Variants in BANK1 observed in about 807,000 individuals in gnomAD.
BANK1 encodes B-cell scaffold protein with ankyrin repeats.
BANK1 carries 95 observed loss-of-function variants against 94.5 expected under a neutral mutation model. The observed-to-expected ratio is 1.00, with a 90% CI of 0.85 to 1.19. The LOEUF (loss-of-function observed/expected upper bound fraction) is 1.19, where lower values mean the gene tolerates loss of function less well. BANK1 is among the 50% of genes most tolerant of loss of function. The pLI is 0.00. For missense variants in BANK1, 987 were observed against 932.2 expected (o/e 1.06, Z -0.77); for synonymous variants, 334 against 308.4 (o/e 1.08, Z -0.87).
rs1461029910 is a variant in BANK1, at chr4:101,790,778, G to A, written c.-103G>A. 5 of 1,284,088 alleles carry A rather than the reference G, an allele frequency of 3.9e-6. No individual in the cohort carries two copies. Among genetic ancestry groups the A allele is most frequent in the South Asian group, 3.8e-5 (3 of 78,558 alleles). The allele number at this position is 1,284,088 out of a possible 1,614,324, so 79.5% of individuals were successfully genotyped here. ...GGTGGCAAGCGGGCTGGGGAGAGCCGAGGGCCAAAGGAAGAGAAAATCGCG... is the reference window on the plus strand; with the variant it reads ...GGTGGCAAGCGGGCTGGGGAGAGCCAAGGGCCAAAGGAAGAGAAAATCGCG... On this transcript the variant is annotated 5_prime_UTR_variant, in exon 1 of 17. Transcript: ENST00000322953.
At chr4:101,952,203 T>C (rs1366086971) in intron 7 of BANK1, among the ~76,000 whole-genome samples, 4 of 152,170 alleles carry the variant, frequency 2.6e-5, no homozygotes, top group African/African-American at 9.6e-5. Context: ...GGTCCTTGAA[T>C]AATGTCATTT....
chr4:101,949,249 C>G (rs1416647755), intron 7 of BANK1, among the ~76,000 whole-genome samples: 1 of 152,124 alleles, frequency 6.6e-6, no homozygotes, highest in Non-Finnish European at 1.5e-5. Context: ...GACATGTTAT[C>G]TTGAAGAACA....
chr4:101,820,292 A>G (rs541872643), intron 1 of BANK1, among the ~76,000 whole-genome samples: 15 of 152,298 alleles, frequency 9.8e-5, no homozygotes, highest in Non-Finnish European at 1.6e-4. Context: ...GGCAATATCC[A>G]TGAACAATTT....
chr4:102,052,042 G>A (rs1421854290), intron 11 of BANK1, among the ~76,000 whole-genome samples: 1 of 151,584 alleles, frequency 6.6e-6, no homozygotes, highest in East Asian at 1.9e-4. Flanking sequence ...TGAACACAAG[G>A]AAAGAGCCAA....
At chr4:101,947,446 A>AATT (rs1723974489) in intron 7 of BANK1, among the ~76,000 whole-genome samples, 1 of 151,096 alleles carries the variant, frequency 6.6e-6, no homozygotes, top group African/African-American at 2.4e-5. Flanking sequence ...ACCCAAGATA[A>AATT]CTTAACTGAA....
At chr4:101,967,955 G>A (rs1010184739) in intron 7 of BANK1, among the ~76,000 whole-genome samples, 1 of 152,030 alleles carries the variant, frequency 6.6e-6, no homozygotes, top group South Asian at 2.1e-4. Context: ...GAAGAAACAA[G>A]AGATGGGAAA....
At chr4:101,906,310 G>T (rs918381689) in intron 6 of BANK1, among the ~76,000 whole-genome samples, 2 of 152,124 alleles carry the variant, frequency 1.3e-5, no homozygotes, top group Non-Finnish European at 2.9e-5. Flanking sequence ...AAAGGAAAAG[G>T]CTCAAATGTA....
At chr4:101,816,932 A>G (rs910453731) in intron 1 of BANK1, among the ~76,000 whole-genome samples, 1 of 152,184 alleles carries the variant, frequency 6.6e-6, no homozygotes, top group African/African-American at 2.4e-5. Context: ...AAGGAATGGT[A>G]TTCCTCCAAA....
intron 7 of BANK1, among the ~76,000 whole-genome samples, chr4:101,965,111 T>G (rs554424069): frequency 6.6e-6 from 1 of 151,558 alleles, no homozygotes; most frequent in African/African-American, 2.4e-5. Flanking sequence ...TTTTTTATGG[T>G]TGCATAGTAT....
At chr4:102,042,570 A>T (rs1398814478) in intron 10 of BANK1, among the ~76,000 whole-genome samples, 2 of 151,972 alleles carry the variant, frequency 1.3e-5, no homozygotes, top group Non-Finnish European at 2.9e-5. Context: ...CATCTAAAAA[A>T]CGTCTCCGGG....
intron 7 of BANK1, among the ~76,000 whole-genome samples, chr4:101,994,005 T>C (rs1480015908): frequency 6.6e-6 from 1 of 152,252 alleles, no homozygotes; most frequent in Non-Finnish European, 1.5e-5. Context: ...CTGTCAGTAC[T>C]GCTAATCCTT....
intron 7 of BANK1, among the ~76,000 whole-genome samples, chr4:101,923,355 A>G (rs1723059777): frequency 6.6e-6 from 1 of 151,768 alleles, no homozygotes; most frequent in South Asian, 2.1e-4. Flanking sequence ...TAAAGACTAT[A>G]TATATATATG....
At chr4:101,936,356 C>T (rs1371240937) in intron 7 of BANK1, among the ~76,000 whole-genome samples, 3 of 149,842 alleles carry the variant, frequency 2.0e-5, no homozygotes, top group Admixed American at 1.3e-4. Flanking sequence ...TACATGTATA[C>T]ATACATGCAT....
intron 1 of BANK1, among the ~76,000 whole-genome samples, chr4:101,800,970 C>A (rs1489365480): frequency 3.3e-5 from 5 of 152,160 alleles, no homozygotes; most frequent in Non-Finnish European, 1.5e-5. Context: ...TTTGGCCAGG[C>A]TGGTCTTGAA....
intron 7 of BANK1, among the ~76,000 whole-genome samples, chr4:101,931,922 C>T (rs1303661577): frequency 2.0e-5 from 3 of 151,380 alleles, no homozygotes; most frequent in Non-Finnish European, 4.4e-5. Context: ...TATAAAAATC[C>T]ATAACAATTC....
At chr4:101,879,348 C>A (rs1209948151) in intron 5 of BANK1, among the ~76,000 whole-genome samples, 1 of 151,954 alleles carries the variant, frequency 6.6e-6, no homozygotes, top group Non-Finnish European at 1.5e-5. Flanking sequence ...AGTGGAAAAT[C>A]TAGAAGAAAT....
chr4:102,060,468 G>A, intron 12 of BANK1, 79 bp downstream of exon 12: 2 of 1,436,620 alleles, frequency 1.4e-6, no homozygotes, highest in South Asian at 1.3e-5. Context: ...TTTTCATGAG[G>A]AATACAGGTA....
chr4:101,860,193 A>G (rs1305687738), intron 3 of BANK1, among the ~76,000 whole-genome samples: 1 of 152,204 alleles, frequency 6.6e-6, no homozygotes, highest in Non-Finnish European at 1.5e-5. Flanking sequence ...ATGAAAATAC[A>G]AAGTACCATG....
chr4:101,911,205 C>A (rs1722652079), intron 6 of BANK1, among the ~76,000 whole-genome samples: 1 of 152,072 alleles, frequency 6.6e-6, no homozygotes, highest in Non-Finnish European at 1.5e-5. Flanking sequence ...GACGACTGTG[C>A]CTCGGTACAC....
Sources: gnomAD v4.1 joint callset for allele counts (sites outside exome capture counted in the v4.1 genomes callset) on GRCh38, gnomAD v4.1.1 for gene constraint, MANE v1.5 for transcripts, NCBI Gene and HGNC (gene_info 2026-07-23, HGNC 2026-07-21) for gene names.